Variants in PCDHA7 observed in about 807,000 individuals in gnomAD.
PCDHA7 encodes the protein protocadherin alpha-7.
In PCDHA7, 37 loss-of-function variants were observed where a neutral mutation model predicts 57.2. The observed-to-expected ratio is 0.65, with a 90% confidence interval of 0.50 to 0.85. The LOEUF (loss-of-function observed/expected upper bound fraction) is 0.85. Among genes scored for constraint, PCDHA7 ranks in the 40% least tolerant of loss-of-function variants. The pLI, the probability that PCDHA7 is intolerant of heterozygous loss-of-function variation, is 0.00. For synonymous variants in PCDHA7, 553 were observed against 558.8 expected (o/e 0.99, Z 0.15); for missense variants, 1,188 against 1,241.8 (o/e 0.96, Z 0.65).
chr5:140,851,042 C>A lies in PCDHA7; in HGVS notation c.2355+14304C>A, dbSNP rs2150268615. ...TAAAGTAAACCCCTTAACATTGGAG[C>A]CGACTTTGTCTTGACTTCTAGTGAG... On this transcript the variant is annotated intron_variant, in intron 1 of 3. Coordinates refer to ENST00000525929, the MANE Select transcript of PCDHA7 (RefSeq NM_018910.3). The A allele has an allele frequency of 2.2e-6, 3 of 1,392,218 alleles. No individual in the cohort carries two copies. The East Asian group carries it at 7.5e-5, about 35-fold the overall frequency. The allele number at this position is 1,392,218 out of a possible 1,614,324, so 86.2% of individuals were successfully genotyped here.
intron 3 of PCDHA7, 42 bp downstream of exon 3, chr5:140,982,605 A>G: frequency 1.9e-6 from 3 of 1,605,520 alleles, no homozygotes; most frequent in Non-Finnish European, 2.6e-6. Flanking sequence ...GGTTTCTGGA[A>G]AGTGATCAGA....
In PCDHA7 at chr5:141,005,071, G is replaced by A. The variant is rs115656219; in HGVS notation, c.2504-4556G>A. On this transcript the variant is annotated intron_variant, in intron 3 of 3. Coordinates refer to ENST00000525929, the MANE Select transcript of PCDHA7 (RefSeq NM_018910.3). ...TACTGAATTCTTGCATTGTGCTAAG[G>A]ATCAAGCTTAGTACTTTACATGCAT... 5.2e-3 allele frequency among the ~76,000 whole-genome samples: 796 copies of A among 152,278 alleles called. 8 individuals are homozygous for A. The highest frequency in any genetic ancestry group is 0.018 in the African/African-American group (745 of 41,556).
At chr5:140,880,870 G>T (rs1413243877) in intron 1 of PCDHA7, among the ~76,000 whole-genome samples, 1 of 152,142 alleles carries the variant, frequency 6.6e-6, no homozygotes, top group East Asian at 1.9e-4. Context: ...ATGTGAAGAG[G>T]TAAATAAAGA....
At chr5:140,875,835 G>A in intron 1 of PCDHA7, 1 of 1,614,196 alleles carries the variant, frequency 6.2e-7, no homozygotes, top group East Asian at 2.2e-5. Context: ...ATGTGGACGT[G>A]GAGGTGAAGG....
chr5:140,837,615 C>CCCTTCCTT (rs528339826), intron 1 of PCDHA7, among the ~76,000 whole-genome samples: 3 of 145,806 alleles, frequency 2.1e-5, no homozygotes, highest in Admixed American at 6.9e-5. Context: ...TATAATTTGC[C>CCCTTCCTT]CCTTCCTTCC....
chr5:140,875,210 AAAAGAACCTC>A (rs2055354064), intron 1 of PCDHA7: 1 of 696,510 alleles, frequency 1.4e-6, no homozygotes, highest in Non-Finnish European at 2.1e-6. Context: ...GGCTAAACCG[AAAAGAACCTC>A]AGGATCTTTC....
intron 1 of PCDHA7, among the ~76,000 whole-genome samples, chr5:140,874,119 GTTTA>G (rs1582151784): frequency 6.6e-6 from 1 of 152,064 alleles, no homozygotes; most frequent in Non-Finnish European, 1.5e-5. Flanking sequence ...ACGTTTTATA[GTTTA>G]TTTAAGTTAT....
At chr5:140,909,038 A>C (rs1396337089) in intron 1 of PCDHA7, among the ~76,000 whole-genome samples, 1 of 152,126 alleles carries the variant, frequency 6.6e-6, no homozygotes, top group African/African-American at 2.4e-5. Context: ...TTTATTTTCC[A>C]TACTCTGGCA....
At chr5:140,919,674 G>C (rs1554199207) in intron 1 of PCDHA7, among the ~76,000 whole-genome samples, 1 of 151,886 alleles carries the variant, frequency 6.6e-6, no homozygotes, top group Non-Finnish European at 1.5e-5. Context: ...TTAGCTTATT[G>C]GTATCTGCTT....
intron 1 of PCDHA7, chr5:140,877,011 G>T: frequency 2.5e-6 from 4 of 1,612,512 alleles, no homozygotes. Flanking sequence ...TGCACGCGGA[G>T]AGCGGCAAGG....
chr5:140,841,203 T>C, intron 1 of PCDHA7: 1 of 1,324,274 alleles, frequency 7.6e-7, no homozygotes, highest in Non-Finnish European at 1.0e-6. Flanking sequence ...TCTGACAGCA[T>C]CTGTCTCTAA....
At chr5:140,881,321 T>C (rs1396829121) in intron 1 of PCDHA7, 1 of 983,920 alleles carries the variant, frequency 1.0e-6, no homozygotes, top group Non-Finnish European at 1.2e-6. Context: ...TTAAATTCTA[T>C]TTAACCAGGA....
chr5:140,860,664 A>T (rs1400061239), intron 1 of PCDHA7: 2 of 152,252 alleles, frequency 1.3e-5, no homozygotes, highest in Non-Finnish European at 2.9e-5. Context: ...AATAATATGA[A>T]ATCAAATGCA....
At position 140,853,369 on chromosome 5, in the gene PCDHA7, T is replaced by A. The variant is rs1471724448; in HGVS notation, c.2355+16631T>A. On this transcript the variant is annotated intron_variant, in intron 1 of 3. Transcript: ENST00000525929. ...ACATGAACTCACAGGGATCCAGAGA[T>A]GGTAAAATTCAAAACAGCCTGTCAA... is the stretch of plus-strand genomic sequence containing the variant. 3.1e-6 allele frequency: 3 copies of A among 982,868 alleles called. 1 individual carries two copies. The highest frequency in any genetic ancestry group is 3.7e-6 in the Non-Finnish European group (3 of 815,606). The allele number at this position is 982,868 out of a possible 1,614,324, so 60.9% of individuals were successfully genotyped here.
intron 1 of PCDHA7, among the ~76,000 whole-genome samples, chr5:140,955,262 CT>C (rs1165777806): frequency 3.9e-5 from 6 of 152,044 alleles, no homozygotes; most frequent in African/African-American, 1.4e-4. Flanking sequence ...TATAAAGGCT[CT>C]TTTTTGGTTC....
intron 1 of PCDHA7, among the ~76,000 whole-genome samples, chr5:140,937,163 G>A (rs1169573071): frequency 2.0e-5 from 3 of 150,028 alleles, no homozygotes; most frequent in East Asian, 4.0e-4. Flanking sequence ...TCAGCCTCCC[G>A]AGTAGCTGGG....
chr5:140,957,063 C>T (rs2095330338), intron 1 of PCDHA7, among the ~76,000 whole-genome samples: 2 of 152,058 alleles, frequency 1.3e-5, no homozygotes, highest in African/African-American at 4.8e-5. Flanking sequence ...ATAAATGTGA[C>T]TGAGGGCTTT....
chr5:140,847,503 C>G lies in PCDHA7; in HGVS notation c.2355+10765C>G, dbSNP rs1445726989. 5 of 149,698 alleles carry G rather than the reference C, an allele frequency of 3.3e-5. 1 individual carries two copies. Among genetic ancestry groups the G allele is most frequent in the Non-Finnish European group, 7.5e-5 (5 of 66,942 alleles). The allele number at this position is 149,698 out of a possible 1,614,324, so 9.3% of individuals were successfully genotyped here. Reference sequence around the variant, plus strand: ...TAAGATAGTAAAACTCACAACAAAACTTTGTAGAACTTAGTCAGGAAAAGA... The same window carrying G: ...TAAGATAGTAAAACTCACAACAAAAGTTTGTAGAACTTAGTCAGGAAAAGA... On this transcript the variant is annotated intron_variant, in intron 1 of 3. Transcript: ENST00000525929.
At chr5:141,001,279 G>A (rs1317213469) in intron 3 of PCDHA7, among the ~76,000 whole-genome samples, 1 of 151,942 alleles carries the variant, frequency 6.6e-6, no homozygotes, top group African/African-American at 2.4e-5. Context: ...CTTTTTTTAC[G>A]GATGAAAACT....
Sources: gnomAD v4.1 joint callset for allele counts (sites outside exome capture counted in the v4.1 genomes callset) on GRCh38, gnomAD v4.1.1 for gene constraint, MANE v1.5 for transcripts, NCBI Gene and HGNC (gene_info 2026-07-23, HGNC 2026-07-21) for gene names.